Variants in SLC26A7 observed in about 807,000 individuals in gnomAD.
SLC26A7 encodes the protein solute carrier family 26 member 7, also known as anion exchange transporter.
Under a neutral mutation model 82.5 loss-of-function variants are expected in SLC26A7, and 59 were observed. The ratio of observed to expected loss-of-function variants is 0.72; its 90% CI spans 0.58 to 0.89. The LOEUF (loss-of-function observed/expected upper bound fraction) is 0.89, where lower values mean the gene tolerates loss of function less well. Among genes scored for constraint, SLC26A7 ranks in the 40% least tolerant of loss-of-function variants. The pLI is 0.00. For missense variants in SLC26A7, 820 were observed against 793.0 expected, an observed-to-expected ratio of 1.03 and a Z score of -0.41; for synonymous variants, 271 against 274.3, an observed-to-expected ratio of 0.99 and a Z score of 0.12.
At chr8:91,274,151 T>G (rs1336157841) in intron 2 of SLC26A7, among the ~76,000 whole-genome samples, 2 of 152,190 alleles carry the variant, frequency 1.3e-5, no homozygotes, top group African/African-American at 4.8e-5. Context: ...CAGGGCAGAA[T>G]CTAGTACAAA....
intron 2 of SLC26A7, among the ~76,000 whole-genome samples, chr8:91,271,470 A>G (rs919761720): frequency 6.6e-6 from 1 of 152,096 alleles, no homozygotes. Context: ...CTTGGAGACC[A>G]CCATTTTCTT....
chr8:91,351,319 C>T (rs1368445435), intron 9 of SLC26A7, among the ~76,000 whole-genome samples: 2 of 152,078 alleles, frequency 1.3e-5, no homozygotes, highest in Non-Finnish European at 2.9e-5. Flanking sequence ...TACTCCACAA[C>T]TTGAGCCTTT....
chr8:91,382,181 A>G (rs1165641429), intron 15 of SLC26A7, among the ~76,000 whole-genome samples: 1 of 152,186 alleles, frequency 6.6e-6, no homozygotes, highest in African/African-American at 2.4e-5. Context: ...TCTGTGACAT[A>G]ATAACAGATT....
chr8:91,256,757 C>G (rs1810814994), intron 2 of SLC26A7, among the ~76,000 whole-genome samples: 1 of 152,054 alleles, frequency 6.6e-6, no homozygotes, highest in Admixed American at 6.6e-5. Context: ...CATTTGAGTG[C>G]TATTATAGTA....
chr8:91,310,243 G>A (rs142987240), intron 4 of SLC26A7, among the ~76,000 whole-genome samples: 105 of 152,312 alleles, frequency 6.9e-4, no homozygotes, highest in African/African-American at 2.5e-3. Flanking sequence ...TCCGCCAACA[G>A]GCGTCAAAGA....
chr8:91,342,844 G>A (rs559531153), intron 8 of SLC26A7, among the ~76,000 whole-genome samples: 1 of 152,284 alleles, frequency 6.6e-6, no homozygotes, highest in South Asian at 2.1e-4. Flanking sequence ...TTTGCAATTG[G>A]TTAGATGGGA....
chr8:91,377,349 G>T (rs547623064), intron 15 of SLC26A7, among the ~76,000 whole-genome samples: 1 of 152,082 alleles, frequency 6.6e-6, no homozygotes, highest in African/African-American at 2.4e-5. Context: ...GTCCCAGGGG[G>T]GCTTTGGTGA....
At position 91,272,589 on chromosome 8, in the gene SLC26A7, G is replaced by A. The variant is rs571122780; in HGVS notation, c.194-16547G>A. Among the ~76,000 whole-genome samples the A allele has an allele frequency of 1.1e-4, 16 of 152,222 alleles. No homozygotes were observed. The East Asian group carries it at 1.4e-3, about 13-fold the overall frequency. On this transcript the variant is annotated intron_variant, in intron 2 of 18. Coordinates refer to ENST00000276609, the MANE Select transcript of SLC26A7 (RefSeq NM_052832.4). ...TAAAAGTTTACTAGATACCACTGAC[G>A]AAGGGCACTATAGACAAAGGAAAAA...
intron 12 of SLC26A7, among the ~76,000 whole-genome samples, chr8:91,362,954 C>T (rs1404151926): frequency 6.6e-6 from 1 of 151,908 alleles, no homozygotes; most frequent in Non-Finnish European, 1.5e-5. Flanking sequence ...CTAGTCTGAC[C>T]AATTCTTTTT....
rs55732709 is a variant in SLC26A7 at position 91,225,643 on chromosome 8, G to GTTTTT, written c.-34+6666_-34+6670dup. On this transcript the variant is annotated intron_variant, in intron 2 of 5. Transcript: ENST00000522862. ...TCTTGGCCCTGCCCCCTAGAAAAGT[G>GTTTTT]TTTTTTTTTTTTTTTTTTTTTTTTT... 3.9e-3 allele frequency among the ~76,000 whole-genome samples: 142 copies of GTTTTT among 36,134 alleles called. 11 individuals carry two copies. Among genetic ancestry groups the GTTTTT allele is most frequent in the African/African-American group, 6.8e-3 (56 of 8,180 alleles). The allele number at this position is 36,134 out of a possible 152,430, so 23.7% of individuals were successfully genotyped here.
chr8:91,250,356 G>T (rs1810624498), intron 2 of SLC26A7, among the ~76,000 whole-genome samples: 1 of 152,082 alleles, frequency 6.6e-6, no homozygotes, highest in Non-Finnish European at 1.5e-5. Flanking sequence ...TGTCCTGAGA[G>T]CTTATGTTTT....
At chr8:91,378,677 C>T (rs184578647) in intron 15 of SLC26A7, among the ~76,000 whole-genome samples, 4 of 151,610 alleles carry the variant, frequency 2.6e-5, no homozygotes, top group Admixed American at 1.3e-4. Flanking sequence ...AGGAGAGCCC[C>T]GAGTCTTACT....
chr8:91,321,525 C>T (rs1293697419), intron 5 of SLC26A7, among the ~76,000 whole-genome samples: 17 of 152,130 alleles, frequency 1.1e-4, no homozygotes, highest in Admixed American at 8.5e-4. Context: ...GAATGCCCTT[C>T]GAGAATTTCT....
chr8:91,382,524 C>A (rs900043985), intron 15 of SLC26A7, among the ~76,000 whole-genome samples: 7 of 152,138 alleles, frequency 4.6e-5, no homozygotes, highest in Admixed American at 2.6e-4. Context: ...GTACACACTT[C>A]TTTTCAATCT....
chr8:91,263,867 C>G lies in SLC26A7; in HGVS notation c.193+14023C>G, dbSNP rs912982740. On this transcript the variant is annotated intron_variant, in intron 2 of 18. Transcript: ENST00000276609. The stretch of plus-strand genomic sequence containing the variant: ...ATAATATCGTGTCTACTTCATTTAT[C>G]ACTTAATTTCTTGTAACTGGTTAAG... Among the ~76,000 whole-genome samples, 6 of 152,012 alleles carry G rather than the reference C, an allele frequency of 3.9e-5. No homozygotes were observed. In the East Asian group the frequency reaches 1.2e-3, roughly 29 times the overall value.
chr8:91,255,536 C>A (rs1300482642), intron 2 of SLC26A7, among the ~76,000 whole-genome samples: 2 of 152,086 alleles, frequency 1.3e-5, no homozygotes, highest in Non-Finnish European at 1.5e-5. Context: ...CTGCTAGTAA[C>A]TTTTCTCCAG....
intron 2 of SLC26A7, among the ~76,000 whole-genome samples, chr8:91,238,185 A>G (rs576434208): frequency 6.6e-6 from 1 of 152,328 alleles, no homozygotes; most frequent in African/African-American, 2.4e-5. Flanking sequence ...TTAAAAATTC[A>G]TAGGAGAAAC....
chr8:91,279,609 G>T (rs1811510645), intron 2 of SLC26A7, among the ~76,000 whole-genome samples: 3 of 152,062 alleles, frequency 2.0e-5, no homozygotes, highest in African/African-American at 4.8e-5. Context: ...GCCCAGGCTG[G>T]ACTGCAGTGG....
intron 6 of SLC26A7, 110 bp downstream of exon 6, chr8:91,334,557 C>G: frequency 1.1e-6 from 1 of 935,404 alleles, no homozygotes; most frequent in Non-Finnish European, 1.5e-6. Context: ...CTACTCCTGT[C>G]TCTCATTAAA....
Sources: gnomAD v4.1 joint callset for allele counts (sites outside exome capture counted in the v4.1 genomes callset) on GRCh38, gnomAD v4.1.1 for gene constraint, MANE v1.5 for transcripts, NCBI Gene and HGNC (gene_info 2026-07-23, HGNC 2026-07-21) for gene names.